WEE2: variants seen among roughly 807,000 people sequenced by gnomAD.
WEE2 encodes WEE2 oocyte meiosis inhibiting kinase, also known as wee1-like protein kinase 2.
A neutral mutation model predicts 60.1 loss-of-function variants in WEE2; 50 were observed. The ratio of observed to expected loss-of-function variants is 0.83; its 90% CI spans 0.66 to 1.05. The LOEUF is 1.05. Among genes scored for constraint, WEE2 ranks in the 50% least tolerant of loss-of-function variants. WEE2 has a pLI of 0.00. For synonymous variants in WEE2, 240 were observed against 241.0 expected (o/e 1.00, Z 0.04); for missense variants, 631 against 684.3 (o/e 0.92, Z 0.87).
rs1422527423 is a variant in WEE2, at chr7:141,711,219, G to A, written c.342+2119G>A. Among the ~76,000 whole-genome samples, 5 of 152,158 alleles carry A rather than the reference G, an allele frequency of 3.3e-5. No homozygotes were observed. The highest frequency in any genetic ancestry group is 1.3e-4 in the Admixed American group (2 of 15,274). On this transcript the variant is annotated intron_variant, in intron 1 of 11. Transcript: ENST00000397541. This position sits in a 1 kb window ranked among gnomAD's most constrained non-coding sequence, Gnocchi z 4.2. Reference sequence around the variant, plus strand: ...AGAAAACAATGAAAATTGGAAATCCGTATTTGGATATCTACAGCATTTAGG... The same window carrying A: ...AGAAAACAATGAAAATTGGAAATCCATATTTGGATATCTACAGCATTTAGG...
intron 8 of WEE2, among the ~76,000 whole-genome samples, chr7:141,724,616 G>A (rs1469706898): frequency 6.6e-6 from 1 of 152,208 alleles, no homozygotes; most frequent in Non-Finnish European, 1.5e-5. Context: ...TTATCCTTCT[G>A]ATAGCACCAC....
intron 2 of WEE2, among the ~76,000 whole-genome samples, chr7:141,715,507 C>A (rs1369603262): frequency 6.6e-6 from 1 of 152,202 alleles, no homozygotes; most frequent in Admixed American, 6.5e-5. Flanking sequence ...CCTTGTGTTT[C>A]TCCAAAAGAA....
chr7:141,730,857 CT>C lies in WEE2; in HGVS notation c.*542del, dbSNP rs1799128571. 1 of 152,240 alleles carries C rather than the reference CT, an allele frequency of 6.6e-6. No homozygotes were observed. Among genetic ancestry groups the C allele is most frequent in the African/African-American group, 2.4e-5 (1 of 41,508 alleles). The allele number at this position is 152,240 out of a possible 1,614,324, so 9.4% of individuals were successfully genotyped here. A position where few individuals can be genotyped will look rare whatever the true frequency, so the allele number is the denominator to read the frequency against. ...TTTAAAATCATATTTTATCTAAATC[CT>C]TTTTCTGTACACATTTTTAAAGGAA... On this transcript the variant is annotated 3_prime_UTR_variant, in exon 12 of 12. Coordinates refer to ENST00000397541, the MANE Select transcript of WEE2 (RefSeq NM_001105558.1).
In WEE2 at chr7:141,712,210, T is replaced by A. The variant is rs140615708; in HGVS notation, c.343-1999T>A. On this transcript the variant is annotated intron_variant, in intron 1 of 11. Coordinates refer to ENST00000397541, the MANE Select transcript of WEE2 (RefSeq NM_001105558.1). The stretch of plus-strand genomic sequence containing the variant: ...ACTGGGCCTTTAAAACATCCAAACA[T>A]CCCAATAATATCAGGATTCAAGCAT... Among the ~76,000 whole-genome samples the A allele has an allele frequency of 1.1e-4, 16 of 152,198 alleles. No homozygotes were observed. In the East Asian group the frequency reaches 1.7e-3, roughly 17 times the overall value.
Position 141,730,407 on chromosome 7 carries a change from G to T in WEE2, c.*87G>T, listed in dbSNP as rs145406419. 1 of 1,207,368 alleles carries T rather than the reference G, an allele frequency of 8.3e-7. No individual in the cohort carries two copies. The highest frequency in any genetic ancestry group is 1.9e-5 in the Admixed American group (1 of 52,258). 74.8% of individuals were successfully genotyped at this position (1,207,368 alleles called of 1,614,324 possible). A position where few individuals can be genotyped will look rare whatever the true frequency, so the allele number is the denominator to read the frequency against. On this transcript the variant is annotated 3_prime_UTR_variant, in exon 12 of 12. Transcript: ENST00000397541. ...TCCCCACCAAAGATCCCAGGGACTC[G>T]TTGTACATAGAAAGGAATAGAATTT...
rs147710528 is a variant in WEE2, at chr7:141,728,477, G to T, written c.1535+1031G>T. Among the ~76,000 whole-genome samples, 471 of 152,166 alleles carry T rather than the reference G, an allele frequency of 3.1e-3. 2 individuals carry two copies. The highest frequency in any genetic ancestry group is 0.012 in the South Asian group (56 of 4,822). The stretch of plus-strand genomic sequence containing the variant: ...TTCTGTTCTAGTTTTGAATTCCATT[G>T]TCCCAGCTAATAAAGAAAGTACAAA... On this transcript the variant is annotated intron_variant, in intron 10 of 11. Coordinates refer to ENST00000397541, the MANE Select transcript of WEE2 (RefSeq NM_001105558.1).
chr7:141,722,505 C>T (rs755772281), intron 5 of WEE2, among the ~76,000 whole-genome samples: 2 of 152,174 alleles, frequency 1.3e-5, no homozygotes, highest in East Asian at 1.9e-4. Context: ...AACAATAAAT[C>T]GAGTACAGTT....
intron 8 of WEE2, 117 bp from the exon 9 acceptor site, chr7:141,724,909 C>T (rs955615929): frequency 3.2e-5 from 36 of 1,140,618 alleles, no homozygotes; most frequent in East Asian, 2.4e-4. Context: ...TATCTTTGAC[C>T]GTCGTGTCTG....
In WEE2 at chr7:141,727,573, C is replaced by G. The variant is rs532788135; in HGVS notation, c.1535+127C>G. 14 of 1,241,074 alleles carry G rather than the reference C, an allele frequency of 1.1e-5. 1 individual carries two copies. In the Admixed American group the frequency reaches 3.5e-4, roughly 31 times the overall value. The allele number at this position is 1,241,074 out of a possible 1,614,324, so 76.9% of individuals were successfully genotyped here. ...ATTCACCATTATAATACATAGGTCCCTGCCCACAAGGAAACTGGCAGCATG... is the reference window on the plus strand; with the variant it reads ...ATTCACCATTATAATACATAGGTCCGTGCCCACAAGGAAACTGGCAGCATG... On this transcript the variant is annotated intron_variant, in intron 10 of 11. Coordinates refer to ENST00000397541, the MANE Select transcript of WEE2 (RefSeq NM_001105558.1).
chr7:141,724,016 G>T lies in WEE2; in HGVS notation c.1103G>T (p.Trp368Leu). 2 of 1,613,364 alleles carry T rather than the reference G, an allele frequency of 1.2e-6. No homozygotes were observed. Among genetic ancestry groups the T allele is most frequent in the Non-Finnish European group, 1.7e-6 (2 of 1,179,714 alleles). Reference protein sequence around the residue: ...VIEEVENEADWFLSANVMYKI... With the variant: ...VIEEVENEADLFLSANVMYKI... ...GAAGAAGTTGAAAATGAAGCTGATTGGTTTCTCTCTGCCAATGTGATGTAT... is the reference window on the plus strand; with the variant it reads ...GAAGAAGTTGAAAATGAAGCTGATTTGTTTCTCTCTGCCAATGTGATGTAT... Residue 368 changes from tryptophan (W) to leucine (L), a missense_variant, in exon 7 of 12, where the codon TGG becomes TTG. Trp to Leu is a moderately conservative substitution (Grantham distance 61). Coordinates refer to ENST00000397541, the MANE Select transcript of WEE2 (RefSeq NM_001105558.1).
In WEE2 at chr7:141,714,245, A is replaced by G; in HGVS notation, c.379A>G (p.Lys127Glu). 6.2e-7 allele frequency: 1 copy of G among 1,613,138 alleles called. No individual in the cohort carries two copies. The highest frequency in any genetic ancestry group is 2.2e-5 in the East Asian group (1 of 44,882). The change falls in exon 2 of 12, where the codon AAG becomes GAG. Residue 127 changes from lysine (K) to glutamate (E), a missense_variant. Lys to Glu is a moderately conservative substitution (Grantham distance 56). Coordinates refer to ENST00000397541, the MANE Select transcript of WEE2 (RefSeq NM_001105558.1). Reference sequence around the variant, plus strand: ...CCGGTTGGTGATTTCTCCAACAGGGAAGCTTCCTTCCAGAGGCCCTAAGCA... The same window carrying G: ...CCGGTTGGTGATTTCTCCAACAGGGGAGCTTCCTTCCAGAGGCCCTAAGCA... ...LSRLVISPTGKLPSRGPKHLK... is the reference protein window; with the variant it reads ...LSRLVISPTGELPSRGPKHLK...
intron 2 of WEE2, among the ~76,000 whole-genome samples, 175 bp from the exon 3 acceptor site, chr7:141,716,047 T>C (rs568393986): frequency 2.6e-5 from 4 of 152,288 alleles, no homozygotes; most frequent in Admixed American, 2.6e-4. Flanking sequence ...GGTATCCTTG[T>C]TATCTTATCC....
rs1485575545 is a variant in WEE2 at position 141,730,289 on chromosome 7, G to C, written c.1679-6G>C. The C allele has an allele frequency of 1.2e-6, 2 of 1,612,882 alleles. No individual in the cohort carries two copies. The highest frequency in any genetic ancestry group is 2.2e-5 in the East Asian group (1 of 44,812). ...CTTATTTACTTCTCACACTTTTGAT[G>C]AACAGCAGGAGAGCGTGAGCCTCTG... On this transcript the variant is annotated splice_region_variant and splice_polypyrimidine_tract_variant and intron_variant, in intron 11 of 11. Coordinates refer to ENST00000397541, the MANE Select transcript of WEE2 (RefSeq NM_001105558.1).
intron 4 of WEE2, 47 bp from the exon 5 acceptor site, chr7:141,720,888 T>C: frequency 6.3e-7 from 1 of 1,594,220 alleles, no homozygotes; most frequent in Non-Finnish European, 8.6e-7. Context: ...TTTGTGTGCA[T>C]TATCTTGATT....
At chr7:141,720,591 G>A (rs957317809) in intron 4 of WEE2, among the ~76,000 whole-genome samples, 46 of 151,998 alleles carry the variant, frequency 3.0e-4, no homozygotes, top group African/African-American at 1.1e-3. Context: ...AAGACCTGAT[G>A]CACATCTGCC....
intron 10 of WEE2, among the ~76,000 whole-genome samples, chr7:141,728,389 A>G (rs977375466): frequency 6.6e-6 from 1 of 152,204 alleles, no homozygotes; most frequent in Non-Finnish European, 1.5e-5. Context: ...AGTATTAATA[A>G]TAACTTGTAG....
intron 11 of WEE2, 118 bp downstream of exon 11, chr7:141,729,791 A>G (rs1044514492): frequency 5.0e-6 from 6 of 1,194,684 alleles, no homozygotes; most frequent in Non-Finnish European, 2.3e-6. Flanking sequence ...GATCGAAACC[A>G]TCCTGGCTAA....
At chr7:141,726,375 G>A (rs945649242) in intron 9 of WEE2, among the ~76,000 whole-genome samples, 12 of 151,938 alleles carry the variant, frequency 7.9e-5, no homozygotes, top group Non-Finnish European at 1.3e-4. Flanking sequence ...TGAACTCCTG[G>A]GCTCGAGCAA....
intron 4 of WEE2, among the ~76,000 whole-genome samples, chr7:141,719,789 G>C (rs984630962): frequency 6.6e-6 from 1 of 151,974 alleles, no homozygotes; most frequent in Non-Finnish European, 1.5e-5. Flanking sequence ...TTTTTTTGTG[G>C]CTTTTACTTT....
Sources: gnomAD v4.1 joint callset for allele counts (sites outside exome capture counted in the v4.1 genomes callset) on GRCh38, gnomAD v4.1.1 for gene constraint, Gnocchi (gnomAD v3.1) non-coding constraint, MANE v1.5 for transcripts, NCBI Gene and HGNC (gene_info 2026-07-23, HGNC 2026-07-21) for gene names.